DNAJC16: variants seen among roughly 807,000 people sequenced by gnomAD.
DNAJC16 encodes the protein dnaJ homolog subfamily C member 16.
DNAJC16 carries 76 observed loss-of-function variants against 92.7 expected under a neutral mutation model. The observed-to-expected ratio is 0.82, with a 90% CI of 0.68 to 0.99. The LOEUF is 0.99. Among genes scored for constraint, DNAJC16 ranks in the 50% least tolerant of loss-of-function variants. The probability of loss-of-function intolerance (pLI) is 0.00; values close to 1 mark genes in which losing one functional copy is unlikely to be tolerated. For missense variants in DNAJC16, 869 were observed against 942.4 expected (o/e 0.92, Z 1.02); for synonymous variants, 328 against 358.7 (o/e 0.91, Z 0.97).
At position 15,563,935 on chromosome 1, in the gene DNAJC16, A is replaced by G. The variant is rs773572372; in HGVS notation, c.1345A>G (p.Ile449Val). 7 of 1,609,422 alleles carry G rather than the reference A, an allele frequency of 4.3e-6. No individual in the cohort carries two copies. In the Admixed American group the frequency reaches 1.2e-4, roughly 27 times the overall value. The change falls in exon 10 of 15, where the codon ATT becomes GTT. Residue 449 changes from isoleucine (I) to valine (V), a missense_variant. By Grantham distance (29) the Ile-to-Val change is conservative. Coordinates refer to ENST00000375847, the MANE Select transcript of DNAJC16 (RefSeq NM_015291.4). ...TTCTCTACTTTTCTTCCAGGTGTCT[A>G]TTTTAGAAAGGCGCAACACAGCAGG... Reference protein sequence around the residue: ...EAFQGKSAVSILERRNTAGRV... With the variant: ...EAFQGKSAVSVLERRNTAGRV...
chr1:15,562,119 A>G (rs1481814089), intron 8 of DNAJC16, 23 bp from the exon 9 acceptor site: 1 of 1,603,902 alleles, frequency 6.2e-7, no homozygotes, highest in Non-Finnish European at 8.5e-7. Flanking sequence ...TTGGTTATAA[A>G]GTTTTGTCTT....
intron 11 of DNAJC16, among the ~76,000 whole-genome samples, chr1:15,564,767 G>A (rs889028240): frequency 4.6e-5 from 7 of 151,882 alleles, no homozygotes; most frequent in African/African-American, 1.7e-4. Context: ...GACCTCAGGT[G>A]ATCCACCCGC....
intron 13 of DNAJC16, 175 bp from the exon 14 acceptor site, chr1:15,566,924 G>T: frequency 1.8e-6 from 1 of 542,484 alleles, no homozygotes; most frequent in Non-Finnish European, 3.3e-6. Flanking sequence ...CTGTTTGTAG[G>T]TCAGGGATTA....
intron 2 of DNAJC16, among the ~76,000 whole-genome samples, chr1:15,530,535 C>T (rs1467049020): frequency 6.6e-6 from 1 of 152,180 alleles, no homozygotes; most frequent in Non-Finnish European, 1.5e-5. Context: ...GAGGAAAGGA[C>T]AGAGGTGACT....
intron 2 of DNAJC16, among the ~76,000 whole-genome samples, chr1:15,531,942 A>C (rs1710671361): frequency 6.6e-6 from 1 of 152,222 alleles, no homozygotes; most frequent in South Asian, 2.1e-4. Context: ...TTACTTGTTG[A>C]GTTGGATCTG....
chr1:15,528,177 A>G (rs1215359786), intron 1 of DNAJC16, among the ~76,000 whole-genome samples: 1 of 152,254 alleles, frequency 6.6e-6, no homozygotes, highest in African/African-American at 2.4e-5. Flanking sequence ...TCACGCCTGT[A>G]ATCCCAACAC....
intron 10 of DNAJC16, 73 bp from the exon 11 acceptor site, chr1:15,564,210 A>G: frequency 6.5e-7 from 1 of 1,541,628 alleles, no homozygotes; most frequent in Non-Finnish European, 9.0e-7. Context: ...CAGCAGCAGC[A>G]CTGTGTTGCA....
At chr1:15,555,852 G>A (rs1365209616) in intron 7 of DNAJC16, among the ~76,000 whole-genome samples, 4 of 151,802 alleles carry the variant, frequency 2.6e-5, no homozygotes, top group East Asian at 1.9e-4. Context: ...TTAGCCGGGC[G>A]TGGTGTTGCA....
At position 15,530,564 on chromosome 1, in the gene DNAJC16, C is replaced by A. The variant is rs1180086364; in HGVS notation, c.167+1292C>A. ...GGTGACTCCAAGCTGGCTGTACCAACCATGAGGAATGGAAGAAAGTTTGGG... is the reference window on the plus strand; with the variant it reads ...GGTGACTCCAAGCTGGCTGTACCAAACATGAGGAATGGAAGAAAGTTTGGG... On this transcript the variant is annotated intron_variant, in intron 2 of 14. Coordinates refer to ENST00000375847, the MANE Select transcript of DNAJC16 (RefSeq NM_015291.4). Among the ~76,000 whole-genome samples the A allele has an allele frequency of 2.0e-5, 3 of 152,214 alleles. No individual in the cohort carries two copies. In the East Asian group the frequency reaches 5.8e-4, roughly 29 times the overall value.
intron 2 of DNAJC16, among the ~76,000 whole-genome samples, 168 bp downstream of exon 2, chr1:15,529,440 G>A (rs947669453): frequency 1.3e-5 from 2 of 151,998 alleles, no homozygotes; most frequent in African/African-American, 4.8e-5. Context: ...ATAATTGTTA[G>A]CGATAAGATC....
At chr1:15,567,290 A>G (rs201744872) in intron 14 of DNAJC16, 21 bp downstream of exon 14, 3 of 1,600,788 alleles carry the variant, frequency 1.9e-6, no homozygotes, top group East Asian at 4.5e-5. Context: ...GTGTGTGTGC[A>G]TGTATGTATG....
intron 6 of DNAJC16, among the ~76,000 whole-genome samples, chr1:15,547,930 G>T (rs1638349724): frequency 1.3e-5 from 2 of 152,084 alleles, no homozygotes; most frequent in African/African-American, 2.4e-5. Context: ...ACATGAGACG[G>T]AGAGGAAGGT....
In DNAJC16 at chr1:15,562,259, C is replaced by T. The variant is rs1638707779; in HGVS notation, c.1272C>T (p.Ser424=). The T allele has an allele frequency of 1.2e-6, 2 of 1,614,024 alleles. No homozygotes were observed. Among genetic ancestry groups the T allele is most frequent in the African/African-American group, 2.7e-5 (2 of 74,932 alleles). ...CAGTGAGATTTGTGCATGTCTACAGCAATCGGCAGCAGGAGTTTGCCGACA... is the reference window on the plus strand; with the variant it reads ...CAGTGAGATTTGTGCATGTCTACAGTAATCGGCAGCAGGAGTTTGCCGACA... ...QDTVRFVHVY[S]NRQQEFADTL... is the part of the protein sequence containing the mutation. Residue 424 remains serine (S), a synonymous_variant, in exon 9 of 15, where the codon AGC becomes AGT. Transcript: ENST00000375847.
At chr1:15,558,120 C>T (rs1373289960) in intron 7 of DNAJC16, among the ~76,000 whole-genome samples, 1 of 150,326 alleles carries the variant, frequency 6.7e-6, no homozygotes, top group Non-Finnish European at 1.5e-5. Context: ...ATCCACCTGC[C>T]TTGACTTCCC....
chr1:15,552,540 C>T (rs1638470091), intron 7 of DNAJC16, among the ~76,000 whole-genome samples: 1 of 151,922 alleles, frequency 6.6e-6, no homozygotes, highest in Admixed American at 6.6e-5. Context: ...TTCACATACT[C>T]TGCATTCAGA....
At chr1:15,547,139 CCT>C (rs1394698626) in intron 6 of DNAJC16, among the ~76,000 whole-genome samples, 1 of 151,174 alleles carries the variant, frequency 6.6e-6, no homozygotes, top group Non-Finnish European at 1.5e-5. Flanking sequence ...AGATACTATC[CCT>C]GTTTCTTTTT....
chr1:15,559,732 G>T, intron 8 of DNAJC16, 76 bp downstream of exon 8: 1 of 1,561,194 alleles, frequency 6.4e-7, no homozygotes, highest in South Asian at 1.2e-5. Context: ...AGGGTGACTA[G>T]ACATCTGCCC....
At chr1:15,548,201 C>T in intron 6 of DNAJC16, 69 bp from the exon 7 acceptor site, 3 of 1,519,512 alleles carry the variant, frequency 2.0e-6, no homozygotes, top group Non-Finnish European at 2.7e-6. Flanking sequence ...TGTGAAAAAG[C>T]CCTACTTGAT....
intron 5 of DNAJC16, among the ~76,000 whole-genome samples, chr1:15,545,212 G>T (rs1638269433): frequency 6.6e-6 from 1 of 152,054 alleles, no homozygotes; most frequent in Non-Finnish European, 1.5e-5. Context: ...AAGTAACTAG[G>T]AACGGACTCT....
Sources: gnomAD v4.1 joint callset for allele counts (sites outside exome capture counted in the v4.1 genomes callset) on GRCh38, gnomAD v4.1.1 for gene constraint, MANE v1.5 for transcripts, NCBI Gene and HGNC (gene_info 2026-07-23, HGNC 2026-07-21) for gene names.